Variants in SLC44A5 observed in about 807,000 individuals in gnomAD.
SLC44A5 encodes the protein choline transporter-like protein 5.
In SLC44A5, 57 loss-of-function variants were observed where a neutral mutation model predicts 101.8. The ratio of observed to expected loss-of-function variants is 0.56; its 90% CI spans 0.45 to 0.70. The LOEUF is 0.70. SLC44A5 is among the 30% of genes least tolerant of loss of function. The pLI is 0.00. For missense variants in SLC44A5, 737 were observed against 853.1 expected, an observed-to-expected ratio of 0.86 and a Z score of 1.70; for synonymous variants, 281 against 290.9, an observed-to-expected ratio of 0.97 and a Z score of 0.35.
In SLC44A5 at chr1:75,339,564, CAA is replaced by C. The variant is rs1419897307; in HGVS notation, c.101+16_101+17del. ...TGTATGTTTAAAAAAGCATATTCCC[CAA>C]AAAATAATTGCTTACCTGTTGGCAA... On this transcript the variant is annotated intron_variant, in intron 4 of 23. Coordinates refer to ENST00000370859, the MANE Select transcript of SLC44A5 (RefSeq NM_001130058.2). 6.3e-7 allele frequency: 1 copy of C among 1,592,870 alleles called. No homozygotes were observed. Among genetic ancestry groups the C allele is most frequent in the African/African-American group, 1.4e-5 (1 of 73,826 alleles).
chr1:75,227,830 G>T lies in SLC44A5; in HGVS notation c.881C>A (p.Thr294Asn). 3.1e-6 allele frequency: 5 copies of T among 1,594,676 alleles called. No homozygotes were observed. Among genetic ancestry groups the T allele is most frequent in the African/African-American group, 1.4e-5 (1 of 73,652 alleles). The change falls in exon 13 of 24, where the codon ACC (threonine) becomes AAC (asparagine). Residue 294 changes from threonine to asparagine, a missense_variant. Physicochemically the swap from Thr to Asn is moderately conservative, Grantham distance 65. Coordinates refer to ENST00000370859, the MANE Select transcript of SLC44A5 (RefSeq NM_001130058.2). ...YGIWHCYQQY[T>N]NLQERPSSVL... Reference sequence around the variant, plus strand: ...AGAACTTGGGCGTTCCTGAAGATTGGTGTACTGCTGGTAACAGTGCCATAT... The same window carrying T: ...AGAACTTGGGCGTTCCTGAAGATTGTTGTACTGCTGGTAACAGTGCCATAT...
At chr1:75,418,957 T>C (rs1663833550) in intron 2 of SLC44A5, among the ~76,000 whole-genome samples, 1 of 152,128 alleles carries the variant, frequency 6.6e-6, no homozygotes, top group African/African-American at 2.4e-5. Context: ...GGGAGCAAGC[T>C]AGGTTCACCT....
At chr1:75,641,300 T>C in the SLC44A5 span, 5 of 653,674 alleles carry the variant, frequency 7.6e-6, no homozygotes, top group Non-Finnish European at 1.4e-5. Flanking sequence ...GTCCATAGGC[T>C]TCAGACTGCC....
At chr1:75,389,644 T>C (rs550638095) in intron 3 of SLC44A5, among the ~76,000 whole-genome samples, 12 of 152,248 alleles carry the variant, frequency 7.9e-5, no homozygotes, top group Admixed American at 2.0e-4. Context: ...TAGCAAAATC[T>C]CTGGGATGCA....
chr1:75,508,825 T>G (rs1311850217), intron 2 of SLC44A5, among the ~76,000 whole-genome samples: 1 of 152,224 alleles, frequency 6.6e-6, no homozygotes, highest in East Asian at 1.9e-4. Flanking sequence ...CTTAGTATAT[T>G]AATATGAGAG....
intron 1 of SLC44A5, among the ~76,000 whole-genome samples, chr1:75,563,522 A>AT (rs1460576285): frequency 6.6e-6 from 1 of 152,076 alleles, no homozygotes; most frequent in East Asian, 1.9e-4. Context: ...TAGAAAAATT[A>AT]TTTTTACATA....
chr1:75,666,842 A>G, the SLC44A5 span, among the ~76,000 whole-genome samples: 7 of 152,180 alleles, frequency 4.6e-5, no homozygotes, highest in African/African-American at 1.7e-4. Flanking sequence ...AAACCACATT[A>G]TTATCTCAAT....
chr1:75,269,961 A>G (rs1429334645), intron 6 of SLC44A5, among the ~76,000 whole-genome samples: 1 of 152,056 alleles, frequency 6.6e-6, no homozygotes, highest in Non-Finnish European at 1.5e-5. Flanking sequence ...AATAAGTCTC[A>G]CAAGAGCTGA....
chr1:75,435,070 T>C (rs1049236328), intron 2 of SLC44A5, among the ~76,000 whole-genome samples: 2 of 152,180 alleles, frequency 1.3e-5, no homozygotes, highest in African/African-American at 4.8e-5. Context: ...AATAAAGGAT[T>C]ACTAAAGTCA....
At chr1:75,418,617 T>C (rs1164975804) in intron 2 of SLC44A5, among the ~76,000 whole-genome samples, 2 of 152,082 alleles carry the variant, frequency 1.3e-5, no homozygotes, top group Non-Finnish European at 2.9e-5. Flanking sequence ...CCAGTATTAC[T>C]GGAGGGTTTG....
At chr1:75,388,800 A>T (rs1300673609) in intron 3 of SLC44A5, among the ~76,000 whole-genome samples, 3 of 151,890 alleles carry the variant, frequency 2.0e-5, no homozygotes, top group African/African-American at 7.3e-5. Flanking sequence ...AACAAACAAA[A>T]ACTCACATAT....
the SLC44A5 span, among the ~76,000 whole-genome samples, chr1:75,663,207 A>G: frequency 6.6e-6 from 1 of 152,062 alleles, no homozygotes; most frequent in African/African-American, 2.4e-5. Context: ...TTAACCCTCA[A>G]TGTGATGGTG....
chr1:75,314,883 G>T lies in SLC44A5; in HGVS notation c.102-14198C>A, dbSNP rs1391326229. Among the ~76,000 whole-genome samples the T allele has an allele frequency of 2.0e-5, 3 of 152,266 alleles. No homozygotes were observed. The East Asian group carries it at 5.8e-4, about 29-fold the overall frequency. On this transcript the variant is annotated intron_variant, in intron 4 of 23. Coordinates refer to ENST00000370859, the MANE Select transcript of SLC44A5 (RefSeq NM_001130058.2). The stretch of plus-strand genomic sequence containing the variant: ...AGTATTAATTTTAGGTAGTTGAACT[G>T]CAGATTTTAGTCATTCTGTCTCATC...
intron 3 of SLC44A5, among the ~76,000 whole-genome samples, chr1:75,376,584 C>G (rs558009721): frequency 6.6e-6 from 1 of 152,200 alleles, no homozygotes; most frequent in South Asian, 2.1e-4. Context: ...ACACCTCACA[C>G]GGCAGGGTAC....
At chr1:75,619,229 G>A in the SLC44A5 span, among the ~76,000 whole-genome samples, 9 of 151,006 alleles carry the variant, frequency 6.0e-5, no homozygotes, top group South Asian at 4.2e-4. Context: ...CGGAGAGCAG[G>A]AGGGAGGGAG....
chr1:75,413,720 C>T (rs538925770), intron 2 of SLC44A5, among the ~76,000 whole-genome samples: 1 of 152,242 alleles, frequency 6.6e-6, no homozygotes, highest in African/African-American at 2.4e-5. Context: ...ATCTGTTATC[C>T]ACAAATTTCA....
Position 75,203,695 on chromosome 1 carries a change from A to T in SLC44A5, c.*32T>A. Reference sequence around the variant, plus strand: ...AGACACAGCAGATGGAGAAAAGGTAACACACAGCTGTAGGACGACCAGTTT... The same window carrying T: ...AGACACAGCAGATGGAGAAAAGGTATCACACAGCTGTAGGACGACCAGTTT... On this transcript the variant is annotated 3_prime_UTR_variant, in exon 24 of 24. Transcript: ENST00000370859. The T allele has an allele frequency of 9.1e-6, 14 of 1,534,400 alleles. No homozygotes were observed. Among genetic ancestry groups the T allele is most frequent in the Non-Finnish European group, 1.1e-5 (13 of 1,139,730 alleles).
intron 5 of SLC44A5, among the ~76,000 whole-genome samples, chr1:75,284,379 AATTT>A (rs1394542610): frequency 5.3e-5 from 8 of 151,930 alleles, no homozygotes; most frequent in Non-Finnish European, 1.0e-4. Flanking sequence ...ATTTATACTG[AATTT>A]ATTTATCAGT....
chr1:75,488,909 C>T (rs982117070), intron 2 of SLC44A5, among the ~76,000 whole-genome samples: 1 of 152,112 alleles, frequency 6.6e-6, no homozygotes, highest in African/African-American at 2.4e-5. Context: ...AGTGCAATGG[C>T]GTGATCTTGG....
Sources: allele counts gnomAD v4.1 joint callset (sites outside exome capture counted in the v4.1 genomes callset), GRCh38; gene constraint gnomAD v4.1.1; transcripts MANE v1.5; gene names NCBI Gene and HGNC (gene_info 2026-07-23, HGNC 2026-07-21).